The following RTN1 variants were observed in gnomAD, a reference collection of about 807,000 sequenced individuals.
RTN1 encodes the protein reticulon 1, also known as reticulon-1.
A neutral mutation model predicts 65.5 loss-of-function variants in RTN1; 25 were observed. The ratio of observed to expected loss-of-function variants is 0.38; its 90% CI spans 0.28 to 0.53. RTN1 has a LOEUF of 0.53. Ranked by LOEUF, RTN1 falls within the 20% of genes least tolerant of loss-of-function variation. The pLI is 0.79. For synonymous variants in RTN1, 471 were observed against 447.6 expected (o/e 1.05, Z -0.66); for missense variants, 983 against 1,025.4 (o/e 0.96, Z 0.57).
chr14:59,781,982 T>C (rs1886163795), intron 1 of RTN1, among the ~76,000 whole-genome samples: 1 of 152,016 alleles, frequency 6.6e-6, no homozygotes, highest in Admixed American at 6.6e-5. Flanking sequence ...TATGAGGAGG[T>C]AGGGCCTTTG....
intron 1 of RTN1, among the ~76,000 whole-genome samples, chr14:59,781,425 GCAA>G (rs974003986): frequency 6.6e-6 from 1 of 151,820 alleles, no homozygotes; most frequent in East Asian, 1.9e-4. Flanking sequence ...AATCTGTTCA[GCAA>G]CAACAATTGG....
At position 59,596,356 on chromosome 14, in the gene RTN1, G is replaced by A. The variant is rs1881396459; in HGVS notation, c.*389C>T. On this transcript the variant is annotated 3_prime_UTR_variant, in exon 9 of 9. Transcript: ENST00000267484. Reference sequence around the variant, plus strand: ...ACCAGCAACCCAAGGACATATAAGCGATTTCCACTATTGCATCAGAGCACT... The same window carrying A: ...ACCAGCAACCCAAGGACATATAAGCAATTTCCACTATTGCATCAGAGCACT... 1.2e-5 allele frequency: 2 copies of A among 162,178 alleles called. No individual in the cohort carries two copies. The highest frequency in any genetic ancestry group is 6.2e-5 in the Admixed American group (1 of 16,182). The allele number at this position is 162,178 out of a possible 1,614,324, so 10.0% of individuals were successfully genotyped here. A position where few individuals can be genotyped will look rare whatever the true frequency, so the allele number is the denominator to read the frequency against.
intron 1 of RTN1, among the ~76,000 whole-genome samples, chr14:59,775,518 CCT>C (rs1886035090): frequency 1.3e-5 from 2 of 152,132 alleles, no homozygotes; most frequent in South Asian, 4.2e-4. Context: ...AACTGCGTAC[CCT>C]GTGTCATACA....
chr14:59,760,583 C>T (rs1885728920), intron 1 of RTN1, among the ~76,000 whole-genome samples: 1 of 152,178 alleles, frequency 6.6e-6, no homozygotes, highest in Admixed American at 6.5e-5. Context: ...TGGGAACCCC[C>T]AGCCCAGCTT....
At chr14:59,855,093 A>G (rs975649126) in intron 1 of RTN1, among the ~76,000 whole-genome samples, 1 of 152,240 alleles carries the variant, frequency 6.6e-6, no homozygotes, top group Non-Finnish European at 1.5e-5. Context: ...GCATTTAGCA[A>G]ACATGAGGCA....
intron 1 of RTN1, among the ~76,000 whole-genome samples, chr14:59,758,149 G>A (rs1230963156): frequency 6.6e-6 from 1 of 151,970 alleles, no homozygotes; most frequent in Admixed American, 6.5e-5. Context: ...TCTTTTTATA[G>A]CTTTCTTTCC....
chr14:59,809,660 T>TG (rs1427290900), intron 1 of RTN1, among the ~76,000 whole-genome samples: 2 of 152,208 alleles, frequency 1.3e-5, no homozygotes, highest in Non-Finnish European at 2.9e-5. Flanking sequence ...ATGTATCCAT[T>TG]GGACAGGAAA....
chr14:59,690,672 G>C lies in RTN1; in HGVS notation c.1765+36247C>G, dbSNP rs553435580. ...CAGCTGGACAAGAAACATACTCCAA[G>C]ACTGACCACATGTTTGGCCATAAAG... is the stretch of plus-strand genomic sequence containing the variant. On this transcript the variant is annotated intron_variant, in intron 3 of 8. Coordinates refer to ENST00000267484, the MANE Select transcript of RTN1 (RefSeq NM_021136.3). Among the ~76,000 whole-genome samples, 4 of 152,058 alleles carry C rather than the reference G, an allele frequency of 2.6e-5. No homozygotes were observed. The South Asian group carries it at 8.3e-4, about 32-fold the overall frequency.
intron 3 of RTN1, among the ~76,000 whole-genome samples, chr14:59,701,340 G>A (rs560120192): frequency 6.6e-6 from 1 of 152,166 alleles, no homozygotes; most frequent in Non-Finnish European, 1.5e-5. Context: ...AGATAACTGA[G>A]AGCATGTGTC....
chr14:59,625,789 C>T (rs1039138091), intron 3 of RTN1, among the ~76,000 whole-genome samples: 1 of 151,900 alleles, frequency 6.6e-6, no homozygotes, highest in Non-Finnish European at 1.5e-5. Flanking sequence ...TCCCAAAGTT[C>T]GAAATATTTC....
At chr14:59,707,011 AAC>A (rs1293486586) in intron 3 of RTN1, among the ~76,000 whole-genome samples, 1 of 152,254 alleles carries the variant, frequency 6.6e-6, no homozygotes, top group Non-Finnish European at 1.5e-5. Context: ...CAAGGAACTT[AAC>A]TAAGAATCAG....
chr14:59,801,273 A>ATT (rs906469674), intron 1 of RTN1, among the ~76,000 whole-genome samples: 5 of 152,156 alleles, frequency 3.3e-5, no homozygotes, highest in Non-Finnish European at 2.9e-5. Flanking sequence ...AGGTAAAACA[A>ATT]TTTTTTTAAA....
chr14:59,621,210 T>C (rs1282429206), intron 3 of RTN1, among the ~76,000 whole-genome samples: 1 of 152,238 alleles, frequency 6.6e-6, no homozygotes, highest in East Asian at 1.9e-4. Flanking sequence ...AGTAACCCTG[T>C]TACTGGAATT....
At chr14:59,757,094 C>T (rs1447951991) in intron 1 of RTN1, among the ~76,000 whole-genome samples, 1 of 152,178 alleles carries the variant, frequency 6.6e-6, no homozygotes, top group East Asian at 1.9e-4. Context: ...CCCCTGCCTC[C>T]ACACATGCTG....
At position 59,790,106 on chromosome 14, in the gene RTN1, T is replaced by C. The variant is rs982356434; in HGVS notation, c.242-43625A>G. ...ATAATTAGAAATAGATAGGAGAAGA[T>C]AGGCATGAAGAAAACCTGAAATAAT... On this transcript the variant is annotated intron_variant, in intron 1 of 8. Coordinates refer to ENST00000267484, the MANE Select transcript of RTN1 (RefSeq NM_021136.3). The surrounding 1 kb of genome is among the most constrained non-coding windows in gnomAD (Gnocchi z 4.1). Among the ~76,000 whole-genome samples, 4 of 152,164 alleles carry C rather than the reference T, an allele frequency of 2.6e-5. No homozygotes were observed. Among genetic ancestry groups the C allele is most frequent in the South Asian group, 2.1e-4 (1 of 4,834 alleles).
chr14:59,779,155 C>A (rs575699732), intron 1 of RTN1, among the ~76,000 whole-genome samples: 32 of 151,900 alleles, frequency 2.1e-4, no homozygotes, highest in Admixed American at 8.5e-4. Context: ...GGAATAGATA[C>A]AGGAGTTGTT....
Position 59,596,494 on chromosome 14 carries a change from T to C in RTN1, c.*251A>G, listed in dbSNP as rs1881401736. ...ACTTGGGCTCTCACCATCATGCACT[T>C]TTTTTAGCAACACAAAATTAAAAAC... On this transcript the variant is annotated 3_prime_UTR_variant, in exon 9 of 9. Transcript: ENST00000267484. 3.3e-6 allele frequency: 1 copy of C among 304,958 alleles called. No individual in the cohort carries two copies. The highest frequency in any genetic ancestry group is 6.1e-6 in the Non-Finnish European group (1 of 164,944). The allele number at this position is 304,958 out of a possible 1,614,324, so 18.9% of individuals were successfully genotyped here.
chr14:59,826,545 G>A (rs1317210226), intron 1 of RTN1, among the ~76,000 whole-genome samples: 1 of 152,170 alleles, frequency 6.6e-6, no homozygotes, highest in Non-Finnish European at 1.5e-5. Flanking sequence ...TCCTCCCCCT[G>A]ACTTTGCATT....
At chr14:59,644,715 A>T (rs747279662) in intron 3 of RTN1, among the ~76,000 whole-genome samples, 1 of 151,902 alleles carries the variant, frequency 6.6e-6, no homozygotes, top group Non-Finnish European at 1.5e-5. Flanking sequence ...GTGGCATTAT[A>T]CCTCCCTGAG....
Sources: allele counts gnomAD v4.1 joint callset (sites outside exome capture counted in the v4.1 genomes callset), GRCh38; gene constraint gnomAD v4.1.1; non-coding constraint Gnocchi (gnomAD v3.1); transcripts MANE v1.5; gene names NCBI Gene and HGNC (gene_info 2026-07-23, HGNC 2026-07-21).